Variants in MMRN1 observed in about 807,000 individuals in gnomAD.
The protein encoded by MMRN1 is multimerin-1.
MMRN1 carries 94 observed loss-of-function variants against 100.7 expected under a neutral mutation model. The observed-to-expected ratio is 0.93, with a 90% CI of 0.79 to 1.11. The LOEUF is 1.11. Among genes scored for constraint, MMRN1 ranks in the 50% least tolerant of loss-of-function variants. The pLI is 0.00. For synonymous variants in MMRN1, 575 were observed against 505.0 expected (o/e 1.14, Z -1.86); for missense variants, 1,606 against 1,439.1 (o/e 1.12, Z -1.88).
rs200233825 is a variant in MMRN1 at position 89,936,408 on chromosome 4, T to G, written c.2728T>G (p.Ser910Ala). 6.2e-7 allele frequency: 1 copy of G among 1,609,466 alleles called. No individual in the cohort carries two copies. The highest frequency in any genetic ancestry group is 1.1e-5 in the South Asian group (1 of 89,588). Residue 910 changes from serine (S) to alanine (A), a missense_variant, in exon 6 of 8, where the codon TCT becomes GCT. Coordinates refer to ENST00000264790, the MANE Select transcript of MMRN1 (RefSeq NM_007351.3). Reference protein sequence around the residue: ...NSRFKALEAKSIHLSINFFSL... With the variant: ...NSRFKALEAKAIHLSINFFSL... ...CAGATTTAAGGCGTTGGAAGCAAAATCTATCCATCTTTCAATTAACTTCTT... is the reference window on the plus strand; with the variant it reads ...CAGATTTAAGGCGTTGGAAGCAAAAGCTATCCATCTTTCAATTAACTTCTT...
intron 5 of MMRN1, among the ~76,000 whole-genome samples, chr4:89,931,565 A>T (rs1028937002): frequency 2.0e-5 from 3 of 152,124 alleles, no homozygotes; most frequent in African/African-American, 7.2e-5. Flanking sequence ...AACCTGAGAC[A>T]GGGTAATTTA....
At chr4:89,893,741 T>G (rs1436204978), upstream of MMRN1, among the ~76,000 whole-genome samples, 1 of 152,066 alleles carries the variant, frequency 6.6e-6, no homozygotes, top group Non-Finnish European at 1.5e-5. Flanking sequence ...AAGAGAGTGC[T>G]TTGCACAGAA....
At chr4:89,897,946 A>T (rs1721262667) in intron 1 of MMRN1, among the ~76,000 whole-genome samples, 3 of 152,152 alleles carry the variant, frequency 2.0e-5, no homozygotes, top group Admixed American at 2.0e-4. Context: ...ATTTTCTAAC[A>T]AAAATAATCT....
At chr4:89,885,141 C>CCCTT (rs140735457) in intron 1 of MMRN1, among the ~76,000 whole-genome samples, 2,762 of 142,568 alleles carry the variant, frequency 0.019, 82 homozygotes, top group African/African-American at 0.067. Flanking sequence ...CTCCCTTCCT[C>CCCTT]CCTTCCTTCC....
chr4:89,920,633 G>T (rs1021469288), intron 3 of MMRN1, among the ~76,000 whole-genome samples: 1 of 151,822 alleles, frequency 6.6e-6, no homozygotes, highest in Admixed American at 6.6e-5. Context: ...TAACAGGAAT[G>T]CTGTTTAAAA....
intron 6 of MMRN1, among the ~76,000 whole-genome samples, chr4:89,943,387 T>A (rs140751530): frequency 9.8e-5 from 15 of 152,294 alleles, no homozygotes; most frequent in African/African-American, 3.4e-4. Flanking sequence ...TTTGAAAATG[T>A]GAAATTGCAG....
chr4:89,952,883 C>T (rs1304430315), intron 7 of MMRN1, 114 bp from the exon 8 acceptor site: 18 of 991,346 alleles, frequency 1.8e-5, no homozygotes, highest in East Asian at 1.0e-4. Flanking sequence ...TGATGGATGG[C>T]CTTTCTCTTC....
rs1376195370 is a variant in MMRN1 at position 89,951,901 on chromosome 4, A to G, written c.3265+150A>G. On this transcript the variant is annotated intron_variant, in intron 7 of 7. Coordinates refer to ENST00000264790, the MANE Select transcript of MMRN1 (RefSeq NM_007351.3). ...TTTTTCGAAACTTACTGAAGAATGT[A>G]CCTGATTTACAAGTGGAAATGTCCT... The G allele has an allele frequency of 3.3e-6, 3 of 905,524 alleles. No individual in the cohort carries two copies. The African/African-American group carries it at 5.3e-5, about 16-fold the overall frequency. The allele number at this position is 905,524 out of a possible 1,614,324, so 56.1% of individuals were successfully genotyped here. A position where few individuals can be genotyped will look rare whatever the true frequency, so the allele number is the denominator to read the frequency against.
intron 5 of MMRN1, among the ~76,000 whole-genome samples, chr4:89,929,810 A>G (rs966269952): frequency 3.9e-4 from 60 of 152,264 alleles, no homozygotes; most frequent in Admixed American, 1.1e-3. Flanking sequence ...ACCCACCTCC[A>G]AGGTGCTGTG....
At chr4:89,881,967 T>G (rs1193579598) in intron 1 of MMRN1, among the ~76,000 whole-genome samples, 3 of 151,948 alleles carry the variant, frequency 2.0e-5, no homozygotes, top group Non-Finnish European at 4.4e-5. Flanking sequence ...TACCTTAAAT[T>G]TATTACTAAT....
In MMRN1 at chr4:89,895,341, A is replaced by G. The variant is rs1421215283; in HGVS notation, c.370A>G (p.Lys124Glu). ...NLTLPTNASI[K>E]FNPGAESVVL... ...TACCCTCCCAACCAACGCTAGCATC[A>G]AGTTCAATCCTGGAGCAGAATCAGT... Residue 124 changes from lysine to glutamate, a missense_variant, in exon 1 of 8, where the codon AAG (lysine) becomes GAG (glutamate). Coordinates refer to ENST00000264790, the MANE Select transcript of MMRN1 (RefSeq NM_007351.3). 1.2e-6 allele frequency: 2 copies of G among 1,613,850 alleles called. No individual in the cohort carries two copies. Among genetic ancestry groups the G allele is most frequent in the Non-Finnish European group, 8.5e-7 (1 of 1,179,946 alleles).
At chr4:89,911,402 T>C (rs2110598068) in intron 2 of MMRN1, among the ~76,000 whole-genome samples, 1 of 151,538 alleles carries the variant, frequency 6.6e-6, no homozygotes, top group African/African-American at 2.4e-5. Context: ...AGAGAAATAC[T>C]ATATGACAAA....
chr4:89,923,353 T>G, intron 4 of MMRN1, 81 bp downstream of exon 4: 3 of 1,231,686 alleles, frequency 2.4e-6, no homozygotes, highest in Non-Finnish European at 3.5e-6. Context: ...AGAAATCTCT[T>G]AGTTGTCAAA....
intron 5 of MMRN1, among the ~76,000 whole-genome samples, chr4:89,930,347 G>A (rs1325838740): frequency 1.3e-5 from 2 of 152,072 alleles, no homozygotes; most frequent in Admixed American, 6.6e-5. Context: ...AAGTGTAACA[G>A]CTAAAGTAAT....
chr4:89,886,046 A>AT (rs200498389), intron 1 of MMRN1, among the ~76,000 whole-genome samples: 2,916 of 135,450 alleles, frequency 0.022, 59 homozygotes, highest in African/African-American at 0.044. Context: ...TGCCTGGCTA[A>AT]TTTTTTTTTT....
chr4:89,918,185 A>T (rs1578481750), intron 3 of MMRN1, among the ~76,000 whole-genome samples: 1 of 151,018 alleles, frequency 6.6e-6, no homozygotes, highest in African/African-American at 2.4e-5. Context: ...AAAATAGAAT[A>T]TATAAGTTTC....
chr4:89,892,584 G>A (rs141795222), upstream of MMRN1, among the ~76,000 whole-genome samples: 250 of 151,934 alleles, frequency 1.6e-3, 1 homozygote, highest in Middle Eastern at 0.01. Flanking sequence ...CACTAAATGA[G>A]CTTGAGATTC....
At chr4:89,891,265 G>A (rs1451450640), upstream of MMRN1, among the ~76,000 whole-genome samples, 3 of 151,926 alleles carry the variant, frequency 2.0e-5, no homozygotes, top group African/African-American at 7.2e-5. Flanking sequence ...TATTTATTTA[G>A]ATTACTTTTT....
chr4:89,943,780 A>G (rs1296817712), intron 6 of MMRN1, among the ~76,000 whole-genome samples: 2 of 152,162 alleles, frequency 1.3e-5, no homozygotes, highest in Non-Finnish European at 2.9e-5. Context: ...ACTTAAGGCC[A>G]AGAGTTCGAG....
Sources: gnomAD v4.1 joint callset for allele counts (sites outside exome capture counted in the v4.1 genomes callset) on GRCh38, gnomAD v4.1.1 for gene constraint, MANE v1.5 for transcripts, NCBI Gene and HGNC (gene_info 2026-07-23, HGNC 2026-07-21) for gene names.